Variants in FER1L5 observed in about 807,000 individuals in gnomAD.
The protein encoded by FER1L5 is fer-1-like protein 5.
A neutral mutation model predicts 279.9 loss-of-function variants in FER1L5; 187 were observed. That is an observed-to-expected ratio of 0.67 (90% CI 0.59 to 0.75). The LOEUF is 0.75. Ranked by LOEUF, FER1L5 falls within the 30% of genes least tolerant of loss-of-function variation. FER1L5 has a pLI of 0.00. For synonymous variants in FER1L5, 921 were observed against 989.7 expected (o/e 0.93, Z 1.30); for missense variants, 2,091 against 2,594.4 (o/e 0.81, Z 4.21).
At chr2:96,670,848 T>C (rs2076295936) in intron 18 of FER1L5, among the ~76,000 whole-genome samples, 1 of 151,954 alleles carries the variant, frequency 6.6e-6, no homozygotes. Context: ...CTCACACCTG[T>C]AATCCCAGCA....
Position 96,642,881 on chromosome 2 carries a change from A to G in FER1L5, c.45A>G (p.Leu15=). ...AGTCGGCCAAGATTGACCCACCACT[A>G]GCCCCACTACCCAGGCCCTGCATGT... The part of the protein sequence containing the change: ...VVQSAKIDPP[L]APLPRPCMSI... The change falls in exon 1 of 53, where the codon CTA becomes CTG. Residue 15 remains leucine (L), a synonymous_variant. Coordinates refer to ENST00000624922, the MANE Select transcript of FER1L5 (RefSeq NM_001293083.2). 3.9e-6 allele frequency: 6 copies of G among 1,551,300 alleles called. No individual in the cohort carries two copies. Among genetic ancestry groups the G allele is most frequent in the Non-Finnish European group, 5.2e-6 (6 of 1,146,792 alleles).
chr2:96,675,435 T>G (rs1366298864), intron 19 of FER1L5, among the ~76,000 whole-genome samples: 1 of 152,046 alleles, frequency 6.6e-6, no homozygotes, highest in Non-Finnish European at 1.5e-5. Flanking sequence ...ATTAATTAAT[T>G]AATTTTTTTG....
Position 96,668,758 on chromosome 2 carries a change from G to T in FER1L5, c.1148G>T (p.Cys383Phe). The T allele has an allele frequency of 6.4e-7, 1 of 1,551,488 alleles. No individual in the cohort carries two copies. The highest frequency in any genetic ancestry group is 8.7e-7 in the Non-Finnish European group (1 of 1,146,908). ...QILTFRIQLP[C>F]LSSYIKFRVL... ...CTCTCCTTCCCTCCACAGCTACCCTGCCTCTCCAGCTACATCAAGTTCAGA... is the reference window on the plus strand; with the variant it reads ...CTCTCCTTCCCTCCACAGCTACCCTTCCTCTCCAGCTACATCAAGTTCAGA... The change falls in exon 15 of 53, where the codon TGC becomes TTC. Residue 383 changes from cysteine (C) to phenylalanine (F), a missense_variant. Physicochemically the swap from Cys to Phe is radical, Grantham distance 205. Transcript: ENST00000624922.
At chr2:96,693,420 C>T in intron 31 of FER1L5, 86 bp from the exon 32 acceptor site, 1 of 1,383,138 alleles carries the variant, frequency 7.2e-7, no homozygotes, top group Non-Finnish European at 9.6e-7. Context: ...CTGGGCCCCA[C>T]TGGGTCCAGT....
chr2:96,703,612 C>A lies in FER1L5; in HGVS notation c.5781C>A (p.Tyr1927Ter). ...AGRGQSEPNQ[Y>*]PTLHPPLRTN... ...GAGGCCAGTCGGAACCCAACCAGTA[C>A]CCCACACTTCATCCTCCCCTGTAAG... The change falls in exon 51 of 53, where the codon TAC becomes TAA. Residue 1927 changes from tyrosine to a stop codon, truncating the protein, a stop_gained. Coordinates refer to ENST00000624922, the MANE Select transcript of FER1L5 (RefSeq NM_001293083.2). LOFTEE classifies it high-confidence loss of function. 6.2e-7 allele frequency: 1 copy of A among 1,613,894 alleles called. No homozygotes were observed. The highest frequency in any genetic ancestry group is 8.5e-7 in the Non-Finnish European group (1 of 1,179,860).
rs1380112538 is a variant in FER1L5, at chr2:96,704,209, G to A, written c.5802-6G>A. 3 of 1,613,766 alleles carry A rather than the reference G, an allele frequency of 1.9e-6. No individual in the cohort carries two copies. Among genetic ancestry groups the A allele is most frequent in the South Asian group, 1.1e-5 (1 of 91,060 alleles). On this transcript the variant is annotated splice_region_variant and splice_polypyrimidine_tract_variant and intron_variant, in intron 51 of 52. Coordinates refer to ENST00000624922, the MANE Select transcript of FER1L5 (RefSeq NM_001293083.2). ...ATTCTCTGACATCTCCCTGGCTCCT[G>A]GACAGACGCACCAACACCTCTTTCA...
intron 10 of FER1L5, 22 bp from the exon 11 acceptor site, chr2:96,661,303 C>A: frequency 6.7e-7 from 1 of 1,498,742 alleles, no homozygotes; most frequent in Non-Finnish European, 9.0e-7. Context: ...GCAGATCTCC[C>A]ATGGCCTTTC....
chr2:96,664,061 C>T (rs2076044864), intron 14 of FER1L5, among the ~76,000 whole-genome samples: 1 of 151,464 alleles, frequency 6.6e-6, no homozygotes, highest in African/African-American at 2.4e-5. Context: ...AACCTGTTGC[C>T]CAAGCCAAGC....
At chr2:96,682,998 C>A (rs747482995) in intron 19 of FER1L5, among the ~76,000 whole-genome samples, 7 of 152,194 alleles carry the variant, frequency 4.6e-5, no homozygotes, top group Non-Finnish European at 1.0e-4. Context: ...ATCCGTGAGG[C>A]CCCACTTGCT....
chr2:96,646,340 C>G (rs969798346), intron 1 of FER1L5, 61 bp from the exon 2 acceptor site: 3 of 1,538,098 alleles, frequency 2.0e-6, no homozygotes, highest in African/African-American at 2.7e-5. Context: ...CTTTACCCCA[C>G]TCCAACCCAG....
At chr2:96,658,713 C>T (rs1026844300) in intron 9 of FER1L5, among the ~76,000 whole-genome samples, 1 of 152,058 alleles carries the variant, frequency 6.6e-6, no homozygotes, top group African/African-American at 2.4e-5. Context: ...TTTAGCCATT[C>T]TAATGGTGTG....
intron 32 of FER1L5, 48 bp downstream of exon 32, chr2:96,693,735 G>A (rs982490251): frequency 2.0e-6 from 3 of 1,522,774 alleles, no homozygotes; most frequent in Non-Finnish European, 2.7e-6. Context: ...ACCTCACAGA[G>A]TGGCTGAGGG....
At position 96,698,190 on chromosome 2, in the gene FER1L5, T is replaced by TGTCC; in HGVS notation, c.4356+34_4356+35insGTCC. On this transcript the variant is annotated intron_variant, in intron 40 of 52. Transcript: ENST00000624922. The surrounding 1 kb of genome is among the most constrained non-coding windows in gnomAD (Gnocchi z 5.5). ...CCACCCCAGCTTAGCTGCCCCTGTC[T>TGTCC]CCTTGTGCACCTTCTGTCCCTGGAA... 6.5e-7 allele frequency: 1 copy of TGTCC among 1,544,572 alleles called. No individual in the cohort carries two copies. Among genetic ancestry groups the TGTCC allele is most frequent in the Non-Finnish European group, 8.7e-7 (1 of 1,143,006 alleles).
chr2:96,643,939 A>T (rs1206472836), intron 1 of FER1L5, among the ~76,000 whole-genome samples: 1 of 151,704 alleles, frequency 6.6e-6, no homozygotes, highest in African/African-American at 2.4e-5. Flanking sequence ...TGGGAGGCTG[A>T]GGCAGGCAGA....
chr2:96,689,589 C>A lies in FER1L5; in HGVS notation c.2526-55C>A. 1 of 1,498,500 alleles carries A rather than the reference C, an allele frequency of 6.7e-7. No individual in the cohort carries two copies. Among genetic ancestry groups the A allele is most frequent in the Admixed American group, 2.0e-5 (1 of 50,916 alleles). 92.8% of individuals were successfully genotyped at this position (1,498,500 alleles called of 1,614,324 possible). A position where few individuals can be genotyped will look rare whatever the true frequency, so the allele number is the denominator to read the frequency against. On this transcript the variant is annotated intron_variant, in intron 25 of 52. Coordinates refer to ENST00000624922, the MANE Select transcript of FER1L5 (RefSeq NM_001293083.2). The surrounding 1 kb of genome is among the most constrained non-coding windows in gnomAD (Gnocchi z 4.6). Reference sequence around the variant, plus strand: ...GGAACGCTTGGCCAGCAGAAGACGGCCCTAGGGGCTGCTTGGGGAGTTGTG... The same window carrying A: ...GGAACGCTTGGCCAGCAGAAGACGGACCTAGGGGCTGCTTGGGGAGTTGTG...
rs1308530920 is a variant in FER1L5 at position 96,684,356 on chromosome 2, A to G, written c.1699A>G (p.Asn567Asp). Residue 567 changes from asparagine (N) to aspartate (D), a missense_variant, in exon 20 of 53, where the codon AAC (asparagine) becomes GAC (aspartate). Coordinates refer to ENST00000624922, the MANE Select transcript of FER1L5 (RefSeq NM_001293083.2). ...GNIYHYVPWY[N>D]TKPVVAVTSN... ...CATCTACCATTATGTGCCCTGGTACAACACCAAGCCTGTCGTGGCCGTGAC... is the reference window on the plus strand; with the variant it reads ...CATCTACCATTATGTGCCCTGGTACGACACCAAGCCTGTCGTGGCCGTGAC... 6 of 1,551,542 alleles carry G rather than the reference A, an allele frequency of 3.9e-6. No homozygotes were observed. The East Asian group carries it at 1.5e-4, about 38-fold the overall frequency.
chr2:96,669,781 C>T (rs959148375), intron 17 of FER1L5, among the ~76,000 whole-genome samples: 1 of 152,196 alleles, frequency 6.6e-6, no homozygotes, highest in Non-Finnish European at 1.5e-5. Context: ...CATGTGTGCT[C>T]CCCGTGGCTC....
At chr2:96,652,104 C>G (rs2075406613) in intron 7 of FER1L5, 84 bp downstream of exon 7, 2 of 1,528,108 alleles carry the variant, frequency 1.3e-6, no homozygotes, top group Non-Finnish European at 1.8e-6. Flanking sequence ...TGCTCCTTGA[C>G]TAGGGTGTCT....
intron 45 of FER1L5, 137 bp from the exon 46 acceptor site, chr2:96,701,818 G>A: frequency 2.7e-6 from 2 of 747,986 alleles, no homozygotes; most frequent in Non-Finnish European, 4.5e-6. Flanking sequence ...CGGCCTCACA[G>A]ATATCTCTGT....
Sources: allele counts gnomAD v4.1 joint callset (sites outside exome capture counted in the v4.1 genomes callset), GRCh38; gene constraint gnomAD v4.1.1; non-coding constraint Gnocchi (gnomAD v3.1); transcripts MANE v1.5; gene names NCBI Gene and HGNC (gene_info 2026-07-23, HGNC 2026-07-21).